SLC41A2: variants seen among roughly 807,000 people sequenced by gnomAD.
The protein encoded by SLC41A2 is SLC41A1-like 1.
SLC41A2 carries 32 observed loss-of-function variants against 58.3 expected under a neutral mutation model. The ratio of observed to expected loss-of-function variants is 0.55; its 90% confidence interval spans 0.41 to 0.74. The LOEUF is 0.74. SLC41A2 is among the 30% of genes least tolerant of loss of function. SLC41A2 has a pLI of 0.00. For missense variants in SLC41A2, 514 were observed against 680.6 expected (o/e 0.76, Z 2.72); for synonymous variants, 190 against 235.0 (o/e 0.81, Z 1.75).
rs987426229 is a variant in SLC41A2 at position 104,918,675 on chromosome 12, C to A, written c.556-8913G>T. Among the ~76,000 whole-genome samples, 18 of 149,282 alleles carry A rather than the reference C, an allele frequency of 1.2e-4. 1 individual carries two copies. The highest frequency in any genetic ancestry group is 4.2e-4 in the African/African-American group (17 of 40,540). On this transcript the variant is annotated intron_variant, in intron 2 of 10. Transcript: ENST00000258538. ...AAAAACAGTCATTTCTAAGGAAGGGCCCGGGCTAAGGGTGCATACAGCAGA... is the reference window on the plus strand; with the variant it reads ...AAAAACAGTCATTTCTAAGGAAGGGACCGGGCTAAGGGTGCATACAGCAGA...
chr12:104,855,388 C>T (rs535650408), intron 8 of SLC41A2, among the ~76,000 whole-genome samples: 11 of 152,224 alleles, frequency 7.2e-5, no homozygotes, highest in African/African-American at 2.6e-4. Flanking sequence ...ATCAGAGTGA[C>T]TATGTTTGTG....
At chr12:104,887,038 G>C (rs1005907099) in intron 5 of SLC41A2, among the ~76,000 whole-genome samples, 1 of 151,926 alleles carries the variant, frequency 6.6e-6, no homozygotes, top group Non-Finnish European at 1.5e-5. Context: ...AAACCTACGA[G>C]AGAATAGAAG....
intron 3 of SLC41A2, among the ~76,000 whole-genome samples, chr12:104,897,017 A>G (rs1432909021): frequency 6.6e-6 from 1 of 152,074 alleles, no homozygotes; most frequent in African/African-American, 2.4e-5. Flanking sequence ...CCTACCACAG[A>G]TCGTCATTTC....
chr12:104,934,051 A>G (rs2135914490), intron 1 of SLC41A2, among the ~76,000 whole-genome samples: 1 of 151,246 alleles, frequency 6.6e-6, no homozygotes. Context: ...AACTACTTGT[A>G]CTCATAAAGC....
At chr12:104,839,127 A>G (rs185182559) in intron 10 of SLC41A2, among the ~76,000 whole-genome samples, 1 of 152,320 alleles carries the variant, frequency 6.6e-6, no homozygotes, top group East Asian at 1.9e-4. Context: ...GTAAGAAACA[A>G]TAATTGCCTA....
chr12:104,944,986 C>A (rs969471966), intron 1 of SLC41A2, among the ~76,000 whole-genome samples: 6 of 151,176 alleles, frequency 4.0e-5, no homozygotes, highest in Non-Finnish European at 7.4e-5. Flanking sequence ...GCCTGGCCAA[C>A]ATGGTGAAAC....
Position 104,909,975 on chromosome 12 carries a change from G to A in SLC41A2, c.556-213C>T, listed in dbSNP as rs527329086. ...TTTAAAAGATGCTGTTAGAGTTGGG[G>A]GTCAGCTGATATGTTGCTACAACCC... On this transcript the variant is annotated intron_variant, in intron 2 of 10. Coordinates refer to ENST00000258538, the MANE Select transcript of SLC41A2 (RefSeq NM_001352171.3). Among the ~76,000 whole-genome samples the A allele has an allele frequency of 2.0e-5, 3 of 152,166 alleles. No homozygotes were observed. In the South Asian group the frequency reaches 6.2e-4, roughly 32 times the overall value.
At chr12:104,860,001 G>A (rs1041591362) in intron 8 of SLC41A2, among the ~76,000 whole-genome samples, 3 of 152,108 alleles carry the variant, frequency 2.0e-5, no homozygotes, top group South Asian at 2.1e-4. Context: ...CCTTGGCCTC[G>A]CAAAGTACTG....
intron 10 of SLC41A2, among the ~76,000 whole-genome samples, chr12:104,843,647 A>T (rs905409442): frequency 5.3e-5 from 8 of 152,272 alleles, no homozygotes; most frequent in African/African-American, 1.9e-4. Flanking sequence ...CTTATTTAAC[A>T]TTGTGCTAAA....
At chr12:104,862,281 GC>G (rs1482932425) in intron 7 of SLC41A2, among the ~76,000 whole-genome samples, 32 of 152,142 alleles carry the variant, frequency 2.1e-4, no homozygotes, top group Non-Finnish European at 2.2e-4. Flanking sequence ...AAGGAATTAT[GC>G]CTTAATAGGC....
chr12:104,833,662 C>T (rs999009654), intron 10 of SLC41A2, among the ~76,000 whole-genome samples: 4 of 151,888 alleles, frequency 2.6e-5, no homozygotes, highest in African/African-American at 9.7e-5. Flanking sequence ...ATTTAATTAC[C>T]TTTGTTACAC....
intron 2 of SLC41A2, among the ~76,000 whole-genome samples, chr12:104,914,771 G>A (rs924179582): frequency 6.6e-6 from 1 of 152,182 alleles, no homozygotes; most frequent in Non-Finnish European, 1.5e-5. Context: ...TTTACTTTCT[G>A]CATCTAAAAT....
intron 10 of SLC41A2, among the ~76,000 whole-genome samples, chr12:104,806,929 A>G (rs543912313): frequency 6.6e-6 from 1 of 152,102 alleles, no homozygotes; most frequent in East Asian, 1.9e-4. Flanking sequence ...TTTTTCTTGT[A>G]AACTTGTTTG....
chr12:104,881,872 T>C (rs2044386721), intron 6 of SLC41A2, among the ~76,000 whole-genome samples: 1 of 152,198 alleles, frequency 6.6e-6, no homozygotes. Context: ...GATATCCTTG[T>C]TAACTTTCTG....
At chr12:104,905,773 G>T (rs1408776819) in intron 3 of SLC41A2, among the ~76,000 whole-genome samples, 2 of 152,254 alleles carry the variant, frequency 1.3e-5, no homozygotes, top group Admixed American at 1.3e-4. Flanking sequence ...GTCCCCCATT[G>T]CCCGGGGACA....
chr12:104,941,818 C>T (rs1043622820), intron 1 of SLC41A2, among the ~76,000 whole-genome samples: 1 of 152,216 alleles, frequency 6.6e-6, no homozygotes, highest in East Asian at 1.9e-4. Flanking sequence ...CAATGGCACA[C>T]GTATACCTAT....
At chr12:104,862,994 T>C (rs1172818126) in intron 7 of SLC41A2, among the ~76,000 whole-genome samples, 1 of 152,212 alleles carries the variant, frequency 6.6e-6, no homozygotes, top group Non-Finnish European at 1.5e-5. Context: ...GTTCCTGTAG[T>C]CTAACCAAAA....
At chr12:104,956,443 C>G (rs954689491) in intron 1 of SLC41A2, among the ~76,000 whole-genome samples, 2 of 152,146 alleles carry the variant, frequency 1.3e-5, no homozygotes, top group African/African-American at 4.8e-5. Flanking sequence ...CTTTGGGAAG[C>G]CGAGGTGGGC....
chr12:104,880,370 G>A (rs1380632777), intron 6 of SLC41A2, among the ~76,000 whole-genome samples: 3 of 152,186 alleles, frequency 2.0e-5, no homozygotes, highest in Non-Finnish European at 4.4e-5. Context: ...GGAGTGGTGA[G>A]AGAGGGCATC....
Sources: allele counts gnomAD v4.1 joint callset (sites outside exome capture counted in the v4.1 genomes callset), GRCh38; gene constraint gnomAD v4.1.1; transcripts MANE v1.5; gene names NCBI Gene and HGNC (gene_info 2026-07-23, HGNC 2026-07-21).